ZNF521: variants seen among roughly 807,000 people sequenced by gnomAD.
ZNF521 encodes the protein LYST-interacting protein 3.
Under a neutral mutation model 105.5 loss-of-function variants are expected in ZNF521, and 14 were observed. The ratio of observed to expected loss-of-function variants is 0.13; its 90% CI spans 0.09 to 0.21. The LOEUF is 0.21. ZNF521 is among the 10% of genes least tolerant of loss of function. The pLI is 1.00. For synonymous variants in ZNF521, 635 were observed against 606.0 expected, an observed-to-expected ratio of 1.05 and a Z score of -0.70; for missense variants, 1,233 against 1,629.7, an observed-to-expected ratio of 0.76 and a Z score of 4.19.
intron 5 of ZNF521, among the ~76,000 whole-genome samples, chr18:25,193,915 C>A (rs936773100): frequency 1.3e-5 from 2 of 151,694 alleles, no homozygotes; most frequent in African/African-American, 4.8e-5. Flanking sequence ...AAGCAACAAC[C>A]CCCCAGAAGA....
intron 6 of ZNF521, among the ~76,000 whole-genome samples, chr18:25,090,400 T>C (rs147921336): frequency 0.013 from 1,942 of 152,298 alleles, 15 homozygotes; most frequent in Non-Finnish European, 0.019. Context: ...ATTATTCTAA[T>C]TGCCAGCCAA....
At chr18:25,098,768 T>TC (rs1226780547) in intron 5 of ZNF521, among the ~76,000 whole-genome samples, 1 of 152,134 alleles carries the variant, frequency 6.6e-6, no homozygotes, top group Non-Finnish European at 1.5e-5. Flanking sequence ...ATTCTCCCCC[T>TC]CATTTATACC....
At chr18:25,346,498 C>T (rs1241285451) in intron 2 of ZNF521, among the ~76,000 whole-genome samples, 8 of 152,148 alleles carry the variant, frequency 5.3e-5, no homozygotes, top group Non-Finnish European at 1.0e-4. Flanking sequence ...GGTTTTCTTA[C>T]TTTCAAAAGG....
chr18:25,156,881 G>A (rs2144507446), intron 5 of ZNF521, among the ~76,000 whole-genome samples: 1 of 152,212 alleles, frequency 6.6e-6, no homozygotes, highest in East Asian at 1.9e-4. Context: ...GTGGACATGA[G>A]GCATGAAGGA....
chr18:25,310,472 G>A (rs1289597172), intron 3 of ZNF521, among the ~76,000 whole-genome samples: 1 of 150,688 alleles, frequency 6.6e-6, no homozygotes, highest in Non-Finnish European at 1.5e-5. Context: ...AAATTGATGT[G>A]GTATTAAATA....
chr18:25,219,919 T>C (rs1374260282), intron 4 of ZNF521, among the ~76,000 whole-genome samples: 1 of 152,206 alleles, frequency 6.6e-6, no homozygotes, highest in Non-Finnish European at 1.5e-5. Flanking sequence ...GATAAATGCA[T>C]GCAGTCACGT....
intron 5 of ZNF521, among the ~76,000 whole-genome samples, chr18:25,166,318 T>C (rs919250909): frequency 2.0e-5 from 3 of 152,206 alleles, no homozygotes; most frequent in Non-Finnish European, 2.9e-5. Flanking sequence ...AATGAATTGC[T>C]ATCACGATAT....
At chr18:25,348,460 G>C (rs1914558526) in intron 2 of ZNF521, among the ~76,000 whole-genome samples, 1 of 152,026 alleles carries the variant, frequency 6.6e-6, no homozygotes, top group South Asian at 2.1e-4. Flanking sequence ...AATTTTTCAA[G>C]GCATACCCTG....
At chr18:25,102,657 A>G (rs1026592931) in intron 5 of ZNF521, among the ~76,000 whole-genome samples, 4 of 152,078 alleles carry the variant, frequency 2.6e-5, no homozygotes, top group African/African-American at 9.7e-5. Context: ...CCAGGACTAC[A>G]GGTGTGTGCT....
At position 25,161,650 on chromosome 18, in the gene ZNF521, G is replaced by T. The variant is rs145488033; in HGVS notation, c.3658+33510C>A. ...CTGATTTGAAACTTACAAAATCACA[G>T]AATCTCCTGAATGAATGGAAGACTG... On this transcript the variant is annotated intron_variant, in intron 5 of 7. Transcript: ENST00000361524. Among the ~76,000 whole-genome samples the T allele has an allele frequency of 4.5e-3, 680 of 152,258 alleles. 4 individuals are homozygous for T. Among genetic ancestry groups the T allele is most frequent in the Non-Finnish European group, 6.4e-3 (433 of 68,020 alleles).
chr18:25,201,816 A>C (rs2035998291), intron 4 of ZNF521: 1 of 152,164 alleles, frequency 6.6e-6, no homozygotes, highest in Admixed American at 6.5e-5. Context: ...TAGTTGTGTG[A>C]CAAATCATTA....
At chr18:25,224,100 T>C (rs1905924421) in intron 4 of ZNF521, 1 of 474,396 alleles carries the variant, frequency 2.1e-6, no homozygotes, top group South Asian at 3.0e-5. Flanking sequence ...TCTTCAGTCA[T>C]AGAGAAGACA....
At chr18:25,117,090 C>CAA (rs56408075) in intron 5 of ZNF521, among the ~76,000 whole-genome samples, 9 of 143,002 alleles carry the variant, frequency 6.3e-5, no homozygotes, top group East Asian at 6.1e-4. Context: ...CACATACACA[C>CAA]ATCCTTAATT....
At chr18:25,268,145 T>C (rs560230044) in intron 3 of ZNF521, among the ~76,000 whole-genome samples, 8 of 152,108 alleles carry the variant, frequency 5.3e-5, no homozygotes, top group Non-Finnish European at 1.2e-4. Context: ...TGTACAAGTA[T>C]CAATAGCCAA....
chr18:25,255,997 G>GTA (rs201578558), intron 3 of ZNF521, among the ~76,000 whole-genome samples: 3 of 145,762 alleles, frequency 2.1e-5, no homozygotes, highest in South Asian at 2.1e-4. Context: ...TATATATATG[G>GTA]TATATATATA....
intron 5 of ZNF521, among the ~76,000 whole-genome samples, chr18:25,150,159 TCTC>T (rs1208538262): frequency 2.6e-5 from 4 of 152,156 alleles, no homozygotes; most frequent in Non-Finnish European, 5.9e-5. Flanking sequence ...ATCCAGTTAT[TCTC>T]AGTGCAGTAA....
chr18:25,326,815 A>G (rs1429913277), intron 2 of ZNF521, among the ~76,000 whole-genome samples: 1 of 152,236 alleles, frequency 6.6e-6, no homozygotes, highest in Non-Finnish European at 1.5e-5. Context: ...TAAGACTGGC[A>G]AGAGATGAAT....
chr18:25,251,151 G>A (rs770453036), intron 3 of ZNF521, among the ~76,000 whole-genome samples: 27 of 152,248 alleles, frequency 1.8e-4, no homozygotes, highest in Non-Finnish European at 2.6e-4. Context: ...AGAAAATGCC[G>A]ATTTGCTATA....
intron 3 of ZNF521, among the ~76,000 whole-genome samples, chr18:25,299,999 C>T (rs988365305): frequency 2.6e-5 from 4 of 152,210 alleles, no homozygotes; most frequent in African/African-American, 7.2e-5. Context: ...GGATTGGGAA[C>T]TTACTTTAAC....
Sources: gnomAD v4.1 joint callset for allele counts (sites outside exome capture counted in the v4.1 genomes callset) on GRCh38, gnomAD v4.1.1 for gene constraint, MANE v1.5 for transcripts, NCBI Gene and HGNC (gene_info 2026-07-23, HGNC 2026-07-21) for gene names.